RNF213: variants seen among roughly 807,000 people sequenced by gnomAD.
RNF213 encodes the protein E3 ubiquitin-protein ligase RNF213.
Under a neutral mutation model 514.4 loss-of-function variants are expected in RNF213, and 341 were observed. The ratio of observed to expected loss-of-function variants is 0.66; its 90% CI spans 0.61 to 0.73. The LOEUF (loss-of-function observed/expected upper bound fraction) is 0.73. Ranked by LOEUF, RNF213 falls within the 30% of genes least tolerant of loss-of-function variation. The pLI, the probability that RNF213 is intolerant of heterozygous loss-of-function variation, is 0.00. For missense variants in RNF213, 5,767 were observed against 6,615.6 expected (o/e 0.87, Z 4.45); for synonymous variants, 2,655 against 2,658.2 (o/e 1.00, Z 0.04).
chr17:80,378,485 G>A (rs1164089553), intron 54 of RNF213, among the ~76,000 whole-genome samples: 1 of 152,074 alleles, frequency 6.6e-6, no homozygotes, highest in African/African-American at 2.4e-5. Context: ...GATATGTCTG[G>A]CTCTCTTACC....
At position 80,353,794 on chromosome 17, in the gene RNF213, C is replaced by T. The variant is rs2078624682; in HGVS notation, c.10578+128C>T. 14 of 1,337,062 alleles carry T rather than the reference C, an allele frequency of 1.0e-5. No individual in the cohort carries two copies. The highest frequency in any genetic ancestry group is 1.4e-5 in the Non-Finnish European group (13 of 938,378). 82.8% of individuals were successfully genotyped at this position (1,337,062 alleles called of 1,614,324 possible). A position where few individuals can be genotyped will look rare whatever the true frequency, so the allele number is the denominator to read the frequency against. On this transcript the variant is annotated intron_variant, in intron 34 of 67. Coordinates refer to ENST00000582970, the MANE Select transcript of RNF213 (RefSeq NM_001256071.3). The surrounding 1 kb of genome is among the most constrained non-coding windows in gnomAD (Gnocchi z 5.0). The stretch of plus-strand genomic sequence containing the variant: ...GTGCAGGGGTGAGGATGGCGCCCCA[C>T]TTTCCTCACACAGTGACGGTCTTGT...
Position 80,288,121 on chromosome 17 carries a change from G to A in RNF213, c.568G>A (p.Ala190Thr). ...GGCAGGAGTGGCCACAGGAAGTGAG[G>A]CTCAGAGCAGCCCGCAATTCCAGGA... ...GEAGVATGSE[A>T]QSSPQFQDHT... Residue 190 changes from alanine to threonine, a missense_variant, in exon 4 of 68, where the codon GCT becomes ACT. By Grantham distance (58) the Ala-to-Thr change is moderately conservative. This residue lies in a region of RNF213 where 509 missense variants were observed against 496.7 expected (regional missense o/e 1.02). Transcript: ENST00000582970. The surrounding 1 kb of genome is among the most constrained non-coding windows in gnomAD (Gnocchi z 4.9). The A allele has an allele frequency of 6.2e-7, 1 of 1,608,966 alleles. No individual in the cohort carries two copies. The highest frequency in any genetic ancestry group is 8.5e-7 in the Non-Finnish European group (1 of 1,176,814).
At chr17:80,285,687 G>T (rs12943016) in intron 3 of RNF213, among the ~76,000 whole-genome samples, 64,050 of 147,398 alleles carry the variant, frequency 0.43, 13,814 homozygotes, top group East Asian at 0.51. Flanking sequence ...TTTTTTTTTT[G>T]TGAGATGGAG....
intron 3 of RNF213, among the ~76,000 whole-genome samples, chr17:80,284,299 G>T (rs896408465): frequency 6.6e-6 from 1 of 152,180 alleles, no homozygotes; most frequent in Non-Finnish European, 1.5e-5. Flanking sequence ...GGGAGGCGGA[G>T]GTTGCAATGG....
chr17:80,343,429 C>T lies in RNF213; in HGVS notation c.6183+104C>T, dbSNP rs1158908435. 6 of 1,025,714 alleles carry T rather than the reference C, an allele frequency of 5.8e-6. No homozygotes were observed. The highest frequency in any genetic ancestry group is 4.8e-5 in the African/African-American group (3 of 63,068). The allele number at this position is 1,025,714 out of a possible 1,614,324, so 63.5% of individuals were successfully genotyped here. A position where few individuals can be genotyped will look rare whatever the true frequency, so the allele number is the denominator to read the frequency against. ...GTATAGAATTCCTTGTTTCCACACGCACAGTCCTGTGAAGCTTAACAGTGG... is the reference window on the plus strand; with the variant it reads ...GTATAGAATTCCTTGTTTCCACACGTACAGTCCTGTGAAGCTTAACAGTGG... On this transcript the variant is annotated intron_variant, in intron 27 of 67. Transcript: ENST00000582970. This position sits in a 1 kb window ranked among gnomAD's most constrained non-coding sequence, Gnocchi z 4.3.
At chr17:80,378,350 C>G (rs559390038) in intron 54 of RNF213, among the ~76,000 whole-genome samples, 2 of 152,282 alleles carry the variant, frequency 1.3e-5, no homozygotes, top group South Asian at 4.1e-4. Context: ...TTGATTATTC[C>G]TCTCTGGATT....
Position 80,397,782 on chromosome 17 carries a change from T to C in RNF213, c.*4284T>C, listed in dbSNP as rs1322611470. The C allele has an allele frequency of 1.3e-5, 2 of 151,198 alleles. No homozygotes were observed. The highest frequency in any genetic ancestry group is 2.1e-4 in the South Asian group (1 of 4,654). The allele number at this position is 151,198 out of a possible 1,614,324, so 9.4% of individuals were successfully genotyped here. ...TTTCTCTGCAGCTTGTCCTGCTACA[T>C]TTCTTGGTTCCCTGACCAGGAATCT... On this transcript the variant is annotated 3_prime_UTR_variant, in exon 68 of 68. Transcript: ENST00000582970.
rs544242473 is a variant in RNF213, at chr17:80,386,582, G to A, written c.14721-108G>A. 186 of 1,451,172 alleles carry A rather than the reference G, an allele frequency of 1.3e-4. No homozygotes were observed. In the African/African-American group the frequency reaches 2.4e-3, roughly 18 times the overall value. The allele number at this position is 1,451,172 out of a possible 1,614,324, so 89.9% of individuals were successfully genotyped here. A position where few individuals can be genotyped will look rare whatever the true frequency, so the allele number is the denominator to read the frequency against. ...GTGACCCGCCCCATACTTGGGTAGG[G>A]TTTTCCACTGCTCCAACTGTGAGAA... On this transcript the variant is annotated intron_variant, in intron 62 of 67. Transcript: ENST00000582970.
At chr17:80,392,588 C>T (rs2080517736) in intron 67 of RNF213, among the ~76,000 whole-genome samples, 1 of 133,224 alleles carries the variant, frequency 7.5e-6, no homozygotes. Flanking sequence ...CCTTAAACTG[C>T]TCCTCAGGAT....
chr17:80,356,935 T>TTC (rs1555671720), intron 36 of RNF213, among the ~76,000 whole-genome samples: 1 of 151,670 alleles, frequency 6.6e-6, no homozygotes, highest in African/African-American at 2.4e-5. Context: ...TTTTTTTTTT[T>TTC]CGAGACAGAG....
intron 12 of RNF213, 103 bp from the exon 13 acceptor site, chr17:80,307,025 G>C: frequency 9.2e-7 from 1 of 1,090,784 alleles, no homozygotes; most frequent in Non-Finnish European, 1.4e-6. Context: ...AGAAAACAAT[G>C]TATACCATAT....
Position 80,345,987 on chromosome 17 carries a change from A to G in RNF213, c.7652A>G (p.Glu2551Gly). The G allele has an allele frequency of 1.2e-6, 2 of 1,614,122 alleles. No individual in the cohort carries two copies. The highest frequency in any genetic ancestry group is 8.5e-7 in the Non-Finnish European group (1 of 1,180,014). ...AGLGYRVSME[E>G]TADRLGSIPL... The stretch of plus-strand genomic sequence containing the variant: ...TTGGGCTACAGGGTTAGTATGGAGG[A>G]GACGGCCGACAGGCTGGGCTCCATT... Residue 2551 changes from glutamate to glycine, a missense_variant, in exon 29 of 68, where the codon GAG (glutamate) becomes GGG (glycine). This residue lies in a region of RNF213 where 1,377 missense variants were observed against 1,635.2 expected (regional missense o/e 0.84). Transcript: ENST00000582970. The surrounding 1 kb of genome is among the most constrained non-coding windows in gnomAD (Gnocchi z 6.0).
At chr17:80,337,776 T>G (rs1201081985) in intron 24 of RNF213, 50 bp downstream of exon 24, 1 of 1,536,850 alleles carries the variant, frequency 6.5e-7, no homozygotes. Flanking sequence ...TGCAGGCTGC[T>G]GCCAGTCCAG....
intron 6 of RNF213, 144 bp downstream of exon 6, chr17:80,289,981 A>T (rs554505572): frequency 3.3e-6 from 3 of 904,510 alleles, no homozygotes; most frequent in Non-Finnish European, 5.3e-6. Context: ...AAAGGGGACC[A>T]CTTAGGAGGT....
At chr17:80,313,825 T>A (rs916336560) in intron 15 of RNF213, among the ~76,000 whole-genome samples, 2 of 101,446 alleles carry the variant, frequency 2.0e-5, no homozygotes, top group South Asian at 3.2e-4. Flanking sequence ...GTGATGGTGG[T>A]GGTGGAGGTG....
intron 8 of RNF213, among the ~76,000 whole-genome samples, chr17:80,292,773 G>A (rs184771914): frequency 1.3e-5 from 2 of 152,116 alleles, no homozygotes; most frequent in African/African-American, 4.8e-5. Flanking sequence ...TCCTCACCTG[G>A]GGGGTCCTGG....
At position 80,363,548 on chromosome 17, in the gene RNF213, G is replaced by A; in HGVS notation, c.11569-61G>A. ...AGTATACATGCAGCTAACAGCCGGG[G>A]CCTCTGGTGGGCCGGTGGGAGGGGC... On this transcript the variant is annotated intron_variant, in intron 40 of 67. Coordinates refer to ENST00000582970, the MANE Select transcript of RNF213 (RefSeq NM_001256071.3). 1.3e-6 allele frequency: 2 copies of A among 1,577,168 alleles called. 1 individual carries two copies. The highest frequency in any genetic ancestry group is 1.7e-6 in the Non-Finnish European group (2 of 1,150,280).
rs2078626213 is a variant in RNF213 at position 80,353,843 on chromosome 17, C to T, written c.10579-176C>T. 5.9e-6 allele frequency: 7 copies of T among 1,186,302 alleles called. No homozygotes were observed. In the South Asian group the frequency reaches 7.8e-5, roughly 13 times the overall value. The allele number at this position is 1,186,302 out of a possible 1,614,324, so 73.5% of individuals were successfully genotyped here. On this transcript the variant is annotated intron_variant, in intron 34 of 67. Transcript: ENST00000582970. This position sits in a 1 kb window ranked among gnomAD's most constrained non-coding sequence, Gnocchi z 5.0. Reference sequence around the variant, plus strand: ...GTTGCTGGTTACTGGGGGTCAAGGGCATCTGCACCGGCAGTTTGGGGGGTG... The same window carrying T: ...GTTGCTGGTTACTGGGGGTCAAGGGTATCTGCACCGGCAGTTTGGGGGGTG...
At chr17:80,280,426 A>G (rs990392371) in intron 3 of RNF213, among the ~76,000 whole-genome samples, 1 of 152,154 alleles carries the variant, frequency 6.6e-6, no homozygotes, top group African/African-American at 2.4e-5. Flanking sequence ...GTATAACAGT[A>G]GTATAGCTCT....
Sources: allele counts gnomAD v4.1 joint callset (sites outside exome capture counted in the v4.1 genomes callset), GRCh38; gene constraint gnomAD v4.1.1; regional missense constraint gnomAD v4.1.1; non-coding constraint Gnocchi (gnomAD v3.1); transcripts MANE v1.5; gene names NCBI Gene and HGNC (gene_info 2026-07-23, HGNC 2026-07-21).